PROM1: variants seen among roughly 807,000 people sequenced by gnomAD.
PROM1 encodes the protein prominin 1.
In PROM1, 105 loss-of-function variants were observed where a neutral mutation model predicts 116.9. The ratio of observed to expected loss-of-function variants is 0.90; its 90% CI spans 0.77 to 1.06. PROM1 has a LOEUF of 1.06. PROM1 is among the 50% of genes least tolerant of loss of function. The probability of loss-of-function intolerance (pLI) is 0.00; values close to 1 mark genes in which losing one functional copy is unlikely to be tolerated. For synonymous variants in PROM1, 393 were observed against 387.0 expected (o/e 1.02, Z -0.18); for missense variants, 1,122 against 1,045.2 (o/e 1.07, Z -1.01).
intron 27 of PROM1, among the ~76,000 whole-genome samples, chr4:15,970,583 C>T (rs1311927069): frequency 6.6e-6 from 1 of 151,834 alleles, no homozygotes; most frequent in Non-Finnish European, 1.5e-5. Context: ...AATACACACA[C>T]ATTTATATAG....
intron 9 of PROM1, 56 bp downstream of exon 9, chr4:16,018,267 T>G: frequency 6.4e-7 from 1 of 1,567,832 alleles, no homozygotes; most frequent in East Asian, 2.3e-5. Context: ...CGCTTAGCCC[T>G]GCCCGGCAAT....
intron 2 of PROM1, among the ~76,000 whole-genome samples, chr4:16,043,264 G>A (rs1382755872): frequency 6.6e-6 from 1 of 152,166 alleles, no homozygotes; most frequent in African/African-American, 2.4e-5. Context: ...TCCAGCTTCA[G>A]CCAGTGAGAG....
chr4:16,009,658 G>A (rs1726389484), intron 11 of PROM1, among the ~76,000 whole-genome samples: 1 of 151,922 alleles, frequency 6.6e-6, no homozygotes, highest in African/African-American at 2.4e-5. Context: ...TGGTATTCAG[G>A]GCCGGGCACA....
At chr4:16,030,753 C>T (rs922707556) in intron 5 of PROM1, among the ~76,000 whole-genome samples, 1 of 151,970 alleles carries the variant, frequency 6.6e-6, no homozygotes. Context: ...GAAAAAGAAA[C>T]CCATTGTAGT....
At chr4:16,009,152 G>T (rs1056688480) in intron 11 of PROM1, 44 bp from the exon 12 acceptor site, 1 of 1,561,306 alleles carries the variant, frequency 6.4e-7, no homozygotes. Context: ...AAACATGGAG[G>T]AAATAGAAAC....
At chr4:15,985,521 G>GGGT (rs1719138096) in intron 22 of PROM1, 1 of 478,102 alleles carries the variant, frequency 2.1e-6, no homozygotes, top group African/African-American at 2.0e-5. Flanking sequence ...CTGAAAAAGG[G>GGGT]GGTGGGAAGC....
intron 20 of PROM1, among the ~76,000 whole-genome samples, chr4:15,987,134 C>T (rs1164348382): frequency 1.3e-5 from 2 of 152,184 alleles, no homozygotes; most frequent in African/African-American, 4.8e-5. Flanking sequence ...CTTGCTTTGG[C>T]CAATGGAACG....
intron 19 of PROM1, 144 bp downstream of exon 19, chr4:15,989,588 A>C: frequency 1.4e-6 from 1 of 715,752 alleles, no homozygotes; most frequent in Non-Finnish European, 2.5e-6. Flanking sequence ...TTTTGTCTAA[A>C]GGCCAGCTCA....
chr4:16,026,254 T>A (rs1731241163), intron 5 of PROM1, among the ~76,000 whole-genome samples: 1 of 152,226 alleles, frequency 6.6e-6, no homozygotes, highest in African/African-American at 2.4e-5. Flanking sequence ...TAGTTACTAA[T>A]AATCCTTTGA....
chr4:15,970,114 T>C (rs1577716755), intron 27 of PROM1, among the ~76,000 whole-genome samples: 1 of 151,886 alleles, frequency 6.6e-6, no homozygotes, highest in Admixed American at 6.6e-5. Context: ...TACAGGCAGG[T>C]ACCACCATGC....
chr4:15,975,646 C>T (rs974201228), intron 26 of PROM1, among the ~76,000 whole-genome samples: 1 of 152,302 alleles, frequency 6.6e-6, no homozygotes, highest in East Asian at 1.9e-4. Flanking sequence ...CCTGGGACCT[C>T]TAGGAGGGTC....
In PROM1 at chr4:16,025,228, G is replaced by A. The variant is rs775203253; in HGVS notation, c.594C>T (p.Phe198=). ...KRSRKLADSN[F]KDLRTLLNET... ...CATTCAAGAGAGTTCGCAAGTCCTT[G>A]AAATTGCTATCTGCCAGTTTCCGAC... is the stretch of plus-strand genomic sequence containing the variant. Residue 198 remains phenylalanine (F), a synonymous_variant, in exon 6 of 28, where the codon TTC becomes TTT. Coordinates refer to ENST00000447510, the MANE Select transcript of PROM1 (RefSeq NM_006017.3). 3 of 1,613,834 alleles carry A rather than the reference G, an allele frequency of 1.9e-6. No individual in the cohort carries two copies. The highest frequency in any genetic ancestry group is 4.5e-5 in the East Asian group (2 of 44,892).
intron 2 of PROM1, among the ~76,000 whole-genome samples, chr4:16,058,190 C>T (rs1340103621): frequency 2.6e-5 from 4 of 152,184 alleles, no homozygotes; most frequent in African/African-American, 7.2e-5. Flanking sequence ...CCTTATGAAT[C>T]GCTCTAGGCA....
chr4:16,070,727 T>A (rs1878538), intron 2 of PROM1, among the ~76,000 whole-genome samples: 12,307 of 152,170 alleles, frequency 0.081, 661 homozygotes, highest in African/African-American at 0.15. Flanking sequence ...TAAACTAGCA[T>A]CACATCCAAA....
chr4:16,027,319 C>A (rs977218037), intron 5 of PROM1, among the ~76,000 whole-genome samples: 4 of 151,964 alleles, frequency 2.6e-5, no homozygotes, highest in African/African-American at 9.7e-5. Flanking sequence ...CACACACACA[C>A]ACACAAAAGT....
chr4:16,006,733 C>A (rs377147215), intron 12 of PROM1, 43 bp from the exon 13 acceptor site: 16 of 1,591,778 alleles, frequency 1.0e-5, no homozygotes, highest in Non-Finnish European at 1.3e-5. Flanking sequence ...ACACAGGTGA[C>A]GCCACCCTAA....
intron 12 of PROM1, 62 bp from the exon 13 acceptor site, chr4:16,006,752 C>G (rs778515521): frequency 1.8e-5 from 27 of 1,538,318 alleles, no homozygotes; most frequent in Non-Finnish European, 2.3e-5. Context: ...AACACAAAAG[C>G]TGCTGGACTA....
chr4:16,016,223 T>G lies in PROM1; in HGVS notation c.1020A>C (p.Ala340=), dbSNP rs1728353422. The change falls in exon 10 of 28, where the codon GCA becomes GCC. Residue 340 remains alanine (A), a synonymous_variant. Transcript: ENST00000447510. ...PELRQLPPVD[A]ELDNVNNVLR... ...GAACGTTATTAACGTTGTCAAGTTCTGCATCCACGGGTGGAAGCTGAAAAT... is the reference window on the plus strand; with the variant it reads ...GAACGTTATTAACGTTGTCAAGTTCGGCATCCACGGGTGGAAGCTGAAAAT... The G allele has an allele frequency of 6.4e-7, 1 of 1,552,800 alleles. No individual in the cohort carries two copies. Among genetic ancestry groups the G allele is most frequent in the Non-Finnish European group, 8.7e-7 (1 of 1,147,682 alleles).
At chr4:15,975,425 T>C (rs1715862615) in intron 26 of PROM1, among the ~76,000 whole-genome samples, 1 of 152,182 alleles carries the variant, frequency 6.6e-6, no homozygotes, top group South Asian at 2.1e-4. Flanking sequence ...TTCACCATGT[T>C]GGCCAGGCTG....
Sources: gnomAD v4.1 joint callset for allele counts (sites outside exome capture counted in the v4.1 genomes callset) on GRCh38, gnomAD v4.1.1 for gene constraint, MANE v1.5 for transcripts, NCBI Gene and HGNC (gene_info 2026-07-23, HGNC 2026-07-21) for gene names.